The following EFCAB3 variants were observed in gnomAD, a reference collection of about 807,000 sequenced individuals.
EFCAB3 encodes EF-hand calcium binding domain 3, also known as EF-hand calcium-binding domain-containing protein 3.
EFCAB3 carries 36 observed loss-of-function variants against 42.2 expected under a neutral mutation model. That is an observed-to-expected ratio of 0.85 (90% CI 0.65 to 1.13). EFCAB3 has a LOEUF of 1.13. EFCAB3 is among the 50% of genes most tolerant of loss of function. The pLI is 0.00. For synonymous variants in EFCAB3, 170 were observed against 172.8 expected, an observed-to-expected ratio of 0.98 and a Z score of 0.13; for missense variants, 418 against 505.1, an observed-to-expected ratio of 0.83 and a Z score of 1.65.
At chr17:62,373,654 A>T (rs2070129880) in intron 1 of EFCAB3, among the ~76,000 whole-genome samples, 1 of 152,082 alleles carries the variant, frequency 6.6e-6, no homozygotes, top group Non-Finnish European at 1.5e-5. Context: ...CATCATATTC[A>T]CCTGACAGAA....
At chr17:62,376,620 A>AT (rs1392053986), upstream of EFCAB3, among the ~76,000 whole-genome samples, 2 of 152,158 alleles carry the variant, frequency 1.3e-5, no homozygotes, top group Non-Finnish European at 1.5e-5. Context: ...TGGCAATGGC[A>AT]TTTTTCACAC....
chr17:62,415,399 T>G (rs916742315), intron 9 of EFCAB3, among the ~76,000 whole-genome samples: 1 of 152,246 alleles, frequency 6.6e-6, no homozygotes, highest in African/African-American at 2.4e-5. Context: ...CACTGAGGAA[T>G]AGGCTTTTGC....
chr17:62,381,707 G>T, intron 1 of EFCAB3: 1 of 228,474 alleles, frequency 4.4e-6, no homozygotes, highest in South Asian at 5.7e-5. Flanking sequence ...CTGCCCTCGG[G>T]GGCAGCACCT....
intron 3 of EFCAB3, 96 bp from the exon 4 acceptor site, chr17:62,391,726 T>C (rs1184805271): frequency 1.6e-6 from 2 of 1,253,460 alleles, no homozygotes; most frequent in Non-Finnish European, 2.1e-6. Flanking sequence ...TTTTAGAACA[T>C]GATCTCCAGT....
chr17:62,405,178 C>T (rs78523175), intron 6 of EFCAB3, among the ~76,000 whole-genome samples: 7,371 of 152,174 alleles, frequency 0.048, 606 homozygotes, highest in African/African-American at 0.17. Flanking sequence ...TCTTGAAGGA[C>T]CTGGTGGGAA....
intron 6 of EFCAB3, among the ~76,000 whole-genome samples, chr17:62,399,577 C>T (rs1453241463): frequency 2.6e-5 from 4 of 152,164 alleles, no homozygotes; most frequent in African/African-American, 9.7e-5. Flanking sequence ...GGCCTCCTTA[C>T]TCTTCCTCAT....
chr17:62,396,597 T>TA (rs889042625), intron 6 of EFCAB3, among the ~76,000 whole-genome samples: 10 of 149,082 alleles, frequency 6.7e-5, no homozygotes, highest in South Asian at 4.3e-4. Context: ...AAGCTTCGTT[T>TA]AAAAAAAAAT....
At chr17:62,407,356 T>G in intron 8 of EFCAB3, 144 bp downstream of exon 8, 1 of 687,868 alleles carries the variant, frequency 1.5e-6, no homozygotes, top group Non-Finnish European at 2.1e-6. Context: ...TAAATTTAAG[T>G]CCAGGTATTA....
In EFCAB3 at chr17:62,413,787, C is replaced by G; in HGVS notation, c.923C>G (p.Thr308Ser). Reference sequence around the variant, plus strand: ...TCAGGTTATTCAAATAACATCTTCACCATTGATCAAATGCTCAAGAAAAAG... The same window carrying G: ...TCAGGTTATTCAAATAACATCTTCAGCATTGATCAAATGCTCAAGAAAAAG... Reference protein sequence around the residue: ...PASGYSNNIFTIDQMLKKKQT... With the variant: ...PASGYSNNIFSIDQMLKKKQT... The change falls in exon 9 of 10, where the codon ACC becomes AGC. Residue 308 changes from threonine (T) to serine (S), a missense_variant. Thr to Ser is a moderately conservative substitution (Grantham distance 58, BLOSUM62 1). Coordinates refer to ENST00000305286, the MANE Select transcript of EFCAB3 (RefSeq NM_173503.4). The G allele has an allele frequency of 6.2e-7, 1 of 1,613,750 alleles. No homozygotes were observed. The highest frequency in any genetic ancestry group is 1.3e-5 in the African/African-American group (1 of 75,048).
intron 2 of EFCAB3, among the ~76,000 whole-genome samples, chr17:62,386,462 AG>A (rs1160016257): frequency 2.0e-5 from 3 of 148,226 alleles, no homozygotes; most frequent in Non-Finnish European, 4.4e-5. Flanking sequence ...TAGTTGTAAA[AG>A]TTGTAAAAAA....
upstream of EFCAB3, among the ~76,000 whole-genome samples, chr17:62,376,078 A>G (rs1477511150): frequency 6.6e-6 from 1 of 152,214 alleles, no homozygotes; most frequent in African/African-American, 2.4e-5. Context: ...AGTGCCTTAA[A>G]GAAAATTTAG....
intron 6 of EFCAB3, chr17:62,398,094 C>A: frequency 3.2e-6 from 1 of 315,140 alleles, no homozygotes. Flanking sequence ...TGCCCAATGT[C>A]TCTCTTTTGG....
At chr17:62,384,080 C>A (rs976322052) in intron 2 of EFCAB3, among the ~76,000 whole-genome samples, 2 of 152,070 alleles carry the variant, frequency 1.3e-5, no homozygotes, top group African/African-American at 4.8e-5. Flanking sequence ...TTGAGTGTAT[C>A]TTTTCTAGTG....
At chr17:62,411,216 C>CA (rs1284850662) in intron 8 of EFCAB3, among the ~76,000 whole-genome samples, 3 of 151,858 alleles carry the variant, frequency 2.0e-5, no homozygotes, top group African/African-American at 7.3e-5. Context: ...AATCTACTCT[C>CA]AAAAAAAGTC....
chr17:62,411,820 G>C (rs1423282675), intron 8 of EFCAB3, among the ~76,000 whole-genome samples: 1 of 121,404 alleles, frequency 8.2e-6, no homozygotes, highest in Non-Finnish European at 1.7e-5. Context: ...GAGGGAGGGA[G>C]GGAGGGAGGA....
intron 8 of EFCAB3, 35 bp downstream of exon 8, chr17:62,407,247 T>G: frequency 6.8e-7 from 1 of 1,480,420 alleles, no homozygotes; most frequent in Non-Finnish European, 9.0e-7. Context: ...AGTTAAATAC[T>G]TGGATTTTTA....
In EFCAB3 at chr17:62,407,116, AT is replaced by A. The variant is rs1567728014; in HGVS notation, c.773del (p.Phe258SerfsTer7). 1.9e-6 allele frequency: 3 copies of A among 1,613,346 alleles called. No individual in the cohort carries two copies. The highest frequency in any genetic ancestry group is 2.5e-6 in the Non-Finnish European group (3 of 1,179,742). ...TGGATGGGGTGGTGATGGGAAAGCC[AT>A]TCAAAGACATGCAGAAATTAGAGAT... ...NVDGVVMGKP[F>X]KDMQKLEMLR... On this transcript the variant is annotated frameshift_variant, in exon 8 of 10. Transcript: ENST00000305286. LOFTEE classifies it high-confidence loss of function.
upstream of EFCAB3, among the ~76,000 whole-genome samples, chr17:62,379,417 C>CAA (rs34114907): frequency 1.3e-4 from 13 of 99,490 alleles, no homozygotes; most frequent in African/African-American, 4.1e-4. Context: ...GAGACCTCAC[C>CAA]AAAAAAAAAA....
chr17:62,378,150 T>G, upstream of EFCAB3: 2 of 694,268 alleles, frequency 2.9e-6, no homozygotes, highest in Non-Finnish European at 4.7e-6. Flanking sequence ...GTCCATAAAG[T>G]GAATGAACAC....
Sources: allele counts gnomAD v4.1 joint callset (sites outside exome capture counted in the v4.1 genomes callset), GRCh38; gene constraint gnomAD v4.1.1; transcripts MANE v1.5; gene names NCBI Gene and HGNC (gene_info 2026-07-23, HGNC 2026-07-21).